RAPGEF3: variants seen among roughly 807,000 people sequenced by gnomAD.
RAPGEF3 encodes 9330170P05Rik.
In RAPGEF3, 103 loss-of-function variants were observed where a neutral mutation model predicts 129.8. The ratio of observed to expected loss-of-function variants is 0.79; its 90% CI spans 0.68 to 0.93. The LOEUF (loss-of-function observed/expected upper bound fraction) is 0.93, where lower values mean the gene tolerates loss of function less well. Ranked by LOEUF, RAPGEF3 falls within the 40% of genes least tolerant of loss-of-function variation. The probability of loss-of-function intolerance (pLI) is 0.00; values close to 1 mark genes in which losing one functional copy is unlikely to be tolerated. For synonymous variants in RAPGEF3, 436 were observed against 482.6 expected (o/e 0.90, Z 1.26); for missense variants, 1,117 against 1,207.4 (o/e 0.93, Z 1.11).
rs980965505 is a variant in RAPGEF3, at chr12:47,739,226, G to A, written c.2378C>T (p.Pro793Leu). 2 of 1,608,680 alleles carry A rather than the reference G, an allele frequency of 1.2e-6. No individual in the cohort carries two copies. The highest frequency in any genetic ancestry group is 1.7e-6 in the Non-Finnish European group (2 of 1,175,458). The stretch of plus-strand genomic sequence containing the variant: ...TCGGTATACCCGGTGGTTCCATGAG[G>A]GATCCTAGGGGAAGAAGCCACACTG... ...LYSALERLLDPSWNHRVYRLA... is the reference protein window; with the variant it reads ...LYSALERLLDLSWNHRVYRLA... Residue 793 changes from proline to leucine, a missense_variant, in exon 24 of 28, where the codon CCC becomes CTC. Around this residue, in one of 3 missense-constraint regions of RAPGEF3, gnomAD observed 643 missense variants for 673.4 expected, o/e 0.95. Transcript: ENST00000449771.
At position 47,741,130 on chromosome 12, in the gene RAPGEF3, C is replaced by T. The variant is rs532264816; in HGVS notation, c.1924-90G>A. 1.4e-4 allele frequency: 197 copies of T among 1,449,170 alleles called. 2 individuals carry two copies. The East Asian group carries it at 3.7e-3, about 27-fold the overall frequency. The allele number at this position is 1,449,170 out of a possible 1,614,324, so 89.8% of individuals were successfully genotyped here. On this transcript the variant is annotated intron_variant, in intron 19 of 27. Coordinates refer to ENST00000449771, the MANE Select transcript of RAPGEF3 (RefSeq NM_001098531.4). Reference sequence around the variant, plus strand: ...AGAGGGTTGGGGCAAGGACTCTATGCTCGTGTTAGGAGGAGGGTTAGGAGG... The same window carrying T: ...AGAGGGTTGGGGCAAGGACTCTATGTTCGTGTTAGGAGGAGGGTTAGGAGG...
At chr12:47,751,558 G>T in intron 4 of RAPGEF3, 38 bp from the exon 5 acceptor site, 1 of 1,613,032 alleles carries the variant, frequency 6.2e-7, no homozygotes, top group East Asian at 2.2e-5. Context: ...GTGGAAGGAG[G>T]GTGGCAGGGA....
chr12:47,740,368 G>C lies in RAPGEF3; in HGVS notation c.2259C>G (p.Ser753=), dbSNP rs1189107855. 6.2e-6 allele frequency: 10 copies of C among 1,614,108 alleles called. No individual in the cohort carries two copies. The highest frequency in any genetic ancestry group is 8.5e-6 in the Non-Finnish European group (10 of 1,180,026). The change falls in exon 22 of 28, where the codon TCC becomes TCG. Residue 753 remains serine (S), a synonymous_variant. Coordinates refer to ENST00000449771, the MANE Select transcript of RAPGEF3 (RefSeq NM_001098531.4). ...AHLKEQKNLN[S]FFAVMFGLSN... is the part of the protein sequence containing the mutation. Reference sequence around the variant, plus strand: ...TGAGGCCAAACATGACGGCAAAGAAGGAATTGAGATTCTTCTGCTCCTTGA... The same window carrying C: ...TGAGGCCAAACATGACGGCAAAGAACGAATTGAGATTCTTCTGCTCCTTGA...
At position 47,749,797 on chromosome 12, in the gene RAPGEF3, C is replaced by G. The variant is rs747844746; in HGVS notation, c.838G>C (p.Gly280Arg). ...GTVLFSQGDK[G>R]TSWYIIWKGS... ...TTCCAGATAATGTACCACGAAGTGC[C>G]CTTGTCCCCCTGGCTGAACACTGAC... The change falls in exon 9 of 28, where the codon GGC (glycine) becomes CGC (arginine). Residue 280 changes from glycine to arginine, a missense_variant. This residue lies in a region of RAPGEF3 where 367 missense variants were observed against 373.4 expected (regional missense o/e 0.98). Coordinates refer to ENST00000449771, the MANE Select transcript of RAPGEF3 (RefSeq NM_001098531.4). This position sits in a 1 kb window ranked among gnomAD's most constrained non-coding sequence, Gnocchi z 4.5. The G allele has an allele frequency of 6.2e-7, 1 of 1,614,206 alleles. No individual in the cohort carries two copies. Among genetic ancestry groups the G allele is most frequent in the Admixed American group, 1.7e-5 (1 of 60,028 alleles).
rs145769431 is a variant in RAPGEF3, at chr12:47,743,997, A to G, written c.1668T>C (p.Val556=). ...GCACAGACCACCAACCTTTATCCCC[A>G]ACTTGGATGGCACAGCTGCTGCCAG... ...PLPGSSCAIQ[V]GDKVPYDICR... The change falls in exon 17 of 28, where the codon GTT becomes GTC. Residue 556 remains valine, a synonymous_variant. Coordinates refer to ENST00000449771, the MANE Select transcript of RAPGEF3 (RefSeq NM_001098531.4). 1,885 of 1,606,746 alleles carry G rather than the reference A, an allele frequency of 1.2e-3. 36 individuals are homozygous for G. In the South Asian group the frequency reaches 0.02, roughly 17 times the overall value.
Position 47,751,209 on chromosome 12 carries a change from G to A in RAPGEF3, c.510C>T (p.His170=), listed in dbSNP as rs745621516. The change falls in exon 6 of 28, where the codon CAC becomes CAT. Residue 170 remains histidine (H), a synonymous_variant. Transcript: ENST00000449771. The part of the protein sequence containing the change: ...LDEGALCHVK[H]DWAFQDRDAQ... ...CATCTCGGTCCTGGAAGGCCCAGTC[G>A]TGTTTCACTGGGGGGCAGAGGCCCA... 31 of 1,550,322 alleles carry A rather than the reference G, an allele frequency of 2.0e-5. No homozygotes were observed. Among genetic ancestry groups the A allele is most frequent in the East Asian group, 4.9e-5 (2 of 41,040 alleles).
rs1941175829 is a variant in RAPGEF3, at chr12:47,741,656, C to A, written c.1826-54G>T. 5 of 1,438,394 alleles carry A rather than the reference C, an allele frequency of 3.5e-6. No individual in the cohort carries two copies. The Admixed American group carries it at 6.7e-5, about 19-fold the overall frequency. 89.1% of individuals were successfully genotyped at this position (1,438,394 alleles called of 1,614,324 possible). A position where few individuals can be genotyped will look rare whatever the true frequency, so the allele number is the denominator to read the frequency against. ...GGGGGAAGGGAGGGAGGCCGGGGAC[C>A]AGCTGGATGCCAGGGTGGAGGTGCT... On this transcript the variant is annotated intron_variant, in intron 18 of 27. Transcript: ENST00000449771.
At chr12:47,742,319 G>T (rs933810235) in intron 18 of RAPGEF3, 2 of 152,148 alleles carry the variant, frequency 1.3e-5, no homozygotes, top group African/African-American at 4.8e-5. Context: ...CAAGTGCTTC[G>T]GAGATCAGTG....
In RAPGEF3 at chr12:47,751,393, G is replaced by A; in HGVS notation, c.502+6C>T. 1 of 1,613,810 alleles carries A rather than the reference G, an allele frequency of 6.2e-7. No individual in the cohort carries two copies. Among genetic ancestry groups the A allele is most frequent in the South Asian group, 1.1e-5 (1 of 91,062 alleles). ...CCGGGGCACCCCACCCTGGGCTCGG[G>A]CTCACCATGGCAGAGGGCACCTTCA... On this transcript the variant is annotated splice_donor_region_variant and intron_variant, in intron 5 of 27. Transcript: ENST00000449771.
At chr12:47,747,667 T>C (rs1319686200) in intron 14 of RAPGEF3, 41 bp from the exon 15 acceptor site, 1 of 1,612,680 alleles carries the variant, frequency 6.2e-7, no homozygotes, top group Non-Finnish European at 8.5e-7. Context: ...TGTAGCTGCA[T>C]CCACCCCGGG....
intron 16 of RAPGEF3, chr12:47,746,463 C>T (rs1941421768): frequency 3.5e-6 from 2 of 564,242 alleles, no homozygotes; most frequent in Non-Finnish European, 6.1e-6. Flanking sequence ...GCCTGGGGCC[C>T]CCTCTGACTT....
intron 2 of RAPGEF3, among the ~76,000 whole-genome samples, chr12:47,757,449 C>T (rs1335343171): frequency 6.6e-6 from 1 of 152,126 alleles, no homozygotes; most frequent in African/African-American, 2.4e-5. Flanking sequence ...AGTTCAGTAA[C>T]TCACTAAAGG....
chr12:47,751,163 C>T lies in RAPGEF3; in HGVS notation c.556G>A (p.Gly186Arg), dbSNP rs149525116. ...DRDAQFYRFPGPEPEPVRTHE... is the reference protein window; with the variant it reads ...DRDAQFYRFPRPEPEPVRTHE... Reference sequence around the variant, plus strand: ...GTTCTCACGGGCTCGGGCTCGGGCCCGGGGAACCGGTAGAATTGGGCATCT... The same window carrying T: ...GTTCTCACGGGCTCGGGCTCGGGCCTGGGGAACCGGTAGAATTGGGCATCT... The change falls in exon 6 of 28, where the codon GGG (glycine) becomes AGG (arginine). Residue 186 changes from glycine to arginine, a missense_variant. Around this residue, in one of 3 missense-constraint regions of RAPGEF3, gnomAD observed 367 missense variants for 373.4 expected, o/e 0.98. Transcript: ENST00000449771. 27 of 1,555,280 alleles carry T rather than the reference C, an allele frequency of 1.7e-5. No individual in the cohort carries two copies. The highest frequency in any genetic ancestry group is 6.8e-5 in the African/African-American group (5 of 73,384).
At chr12:47,758,506 C>T in intron 1 of RAPGEF3, 45 bp downstream of exon 1, 6 of 1,605,454 alleles carry the variant, frequency 3.7e-6, no homozygotes, top group Non-Finnish European at 5.1e-6. Context: ...GCTTCCTCTC[C>T]CGCCCTCTCC....
intron 23 of RAPGEF3, 104 bp downstream of exon 23, chr12:47,740,037 C>T (rs555004884): frequency 2.2e-5 from 30 of 1,359,040 alleles, no homozygotes; most frequent in Admixed American, 9.8e-5. Flanking sequence ...TGACAAAGGA[C>T]GAGTAGAGGG....
In RAPGEF3 at chr12:47,747,696, C is replaced by G; in HGVS notation, c.1473+16G>C. On this transcript the variant is annotated intron_variant, in intron 14 of 27. Transcript: ENST00000449771. The stretch of plus-strand genomic sequence containing the variant: ...CCCCGGGCAGCCCAGCCCCGCTGTG[C>G]CTCACTCCCAGGTACCTGGAGGAAG... 1.9e-6 allele frequency: 3 copies of G among 1,611,268 alleles called. No individual in the cohort carries two copies. Among genetic ancestry groups the G allele is most frequent in the Non-Finnish European group, 1.7e-6 (2 of 1,178,656 alleles).
At chr12:47,739,311 G>A in intron 23 of RAPGEF3, 81 bp from the exon 24 acceptor site, 2 of 1,102,832 alleles carry the variant, frequency 1.8e-6, no homozygotes, top group South Asian at 1.3e-5. Context: ...GGGGCCACAT[G>A]CCCATCCCAC....
At position 47,737,326 on chromosome 12, in the gene RAPGEF3, T is replaced by C; in HGVS notation, c.*241A>G. 3.7e-6 allele frequency: 2 copies of C among 536,924 alleles called. No homozygotes were observed. Among genetic ancestry groups the C allele is most frequent in the Non-Finnish European group, 3.4e-6 (1 of 298,422 alleles). 33.3% of individuals were successfully genotyped at this position (536,924 alleles called of 1,614,324 possible). On this transcript the variant is annotated 3_prime_UTR_variant, in exon 28 of 28. Transcript: ENST00000449771. ...ACTCTCCACCCACTCCTGGGGCCTC[T>C]CTGTCCTCCCTTCCTTGGCCTTGGG...
At chr12:47,748,702 C>A in intron 11 of RAPGEF3, 117 bp downstream of exon 11, 2 of 1,025,050 alleles carry the variant, frequency 2.0e-6, no homozygotes, top group East Asian at 2.4e-5. Context: ...CCTGGTCCCT[C>A]AATACCTCTC....
Sources: allele counts gnomAD v4.1 joint callset (sites outside exome capture counted in the v4.1 genomes callset), GRCh38; gene constraint gnomAD v4.1.1; regional missense constraint gnomAD v4.1.1; non-coding constraint Gnocchi (gnomAD v3.1); transcripts MANE v1.5; gene names NCBI Gene and HGNC (gene_info 2026-07-23, HGNC 2026-07-21).